Variants in SCAPER observed in about 807,000 individuals in gnomAD.
SCAPER encodes the protein S-phase cyclin A associated protein in the ER, also known as S phase cyclin A-associated protein in the endoplasmic reticulum.
Under a neutral mutation model 182.2 loss-of-function variants are expected in SCAPER, and 98 were observed. The observed-to-expected ratio is 0.54, with a 90% CI of 0.46 to 0.64. The LOEUF (loss-of-function observed/expected upper bound fraction) is 0.64. Among genes scored for constraint, SCAPER ranks in the 30% least tolerant of loss-of-function variants. The pLI is 0.00. For missense variants in SCAPER, 1,432 were observed against 1,690.0 expected (o/e 0.85, Z 2.68); for synonymous variants, 605 against 564.6 (o/e 1.07, Z -1.01).
chr15:76,422,920 A>G (rs367796199), intron 26 of SCAPER, among the ~76,000 whole-genome samples: 1 of 151,184 alleles, frequency 6.6e-6, no homozygotes, highest in Non-Finnish European at 1.5e-5. Flanking sequence ...GCTGGATTAC[A>G]TTTATTGATT....
intron 8 of SCAPER, among the ~76,000 whole-genome samples, chr15:76,785,435 G>T (rs1030433669): frequency 6.6e-6 from 1 of 152,336 alleles, no homozygotes; most frequent in African/African-American, 2.4e-5. Flanking sequence ...TGGTGGGAGT[G>T]TAAATTAGTT....
intron 17 of SCAPER, among the ~76,000 whole-genome samples, chr15:76,718,688 T>C (rs1039445960): frequency 1.3e-5 from 2 of 151,062 alleles, no homozygotes; most frequent in African/African-American, 4.9e-5. Flanking sequence ...AATATATATA[T>C]TTAAAAAAAC....
At chr15:76,637,769 TGTGTGTGTGTGTG>T (rs2053756937) in intron 21 of SCAPER, among the ~76,000 whole-genome samples, 1 of 143,452 alleles carries the variant, frequency 7.0e-6, no homozygotes, top group Non-Finnish European at 1.5e-5. Flanking sequence ...TGTGTGTGTG[TGTGTGTGTGTGTG>T]TGTGTGTGTG....
intron 24 of SCAPER, among the ~76,000 whole-genome samples, chr15:76,499,999 G>C (rs1263544970): frequency 6.6e-6 from 1 of 152,154 alleles, no homozygotes; most frequent in Non-Finnish European, 1.5e-5. Flanking sequence ...AAATAACTAA[G>C]TGCTTTCTTT....
chr15:76,864,964 T>C (rs1372623459), intron 2 of SCAPER, among the ~76,000 whole-genome samples: 1 of 152,174 alleles, frequency 6.6e-6, no homozygotes, highest in Non-Finnish European at 1.5e-5. Context: ...TCTGCAGTTA[T>C]ACTCCTTGGC....
intron 22 of SCAPER, chr15:76,577,132 G>C (rs1392973564): frequency 6.6e-6 from 1 of 152,262 alleles, no homozygotes; most frequent in East Asian, 1.9e-4. Context: ...CTATGCTTGA[G>C]GAGAGGGGAG....
rs79333691 is a variant in SCAPER, at chr15:76,614,114, C to T, written c.2711+7650G>A. Reference sequence around the variant, plus strand: ...CTGTGCAGGGACATGAATGGTGCTGCGGGCCATTACCCTTAGCAAACTAAC... The same window carrying T: ...CTGTGCAGGGACATGAATGGTGCTGTGGGCCATTACCCTTAGCAAACTAAC... On this transcript the variant is annotated intron_variant, in intron 22 of 31. Coordinates refer to ENST00000563290, the MANE Select transcript of SCAPER (RefSeq NM_020843.4). Among the ~76,000 whole-genome samples, 1,326 of 152,156 alleles carry T rather than the reference C, an allele frequency of 8.7e-3. 13 individuals carry two copies. Among genetic ancestry groups the T allele is most frequent in the African/African-American group, 0.03 (1,251 of 41,512 alleles).
In SCAPER at chr15:76,381,393, A is replaced by G; in HGVS notation, c.3690T>C (p.His1230=). The change falls in exon 28 of 32, where the codon CAT becomes CAC. Residue 1230 remains histidine (H), a synonymous_variant. Transcript: ENST00000563290. ...TACTTGGTACCTGAAAAGCAGGCAG[A>G]TGAAGAGCTGCAAAGCTGTTGAAGA... The part of the protein sequence containing the change: ...LRFFNSFAAL[H]LPAFQSIVGA... The G allele has an allele frequency of 6.2e-7, 1 of 1,613,312 alleles. No individual in the cohort carries two copies. The highest frequency in any genetic ancestry group is 2.2e-5 in the East Asian group (1 of 44,882).
chr15:76,359,882 G>T (rs1395385971), intron 29 of SCAPER, among the ~76,000 whole-genome samples: 1 of 152,166 alleles, frequency 6.6e-6, no homozygotes, highest in African/African-American at 2.4e-5. Context: ...AAAGTGACAG[G>T]GGGCCCCTAG....
intron 26 of SCAPER, among the ~76,000 whole-genome samples, chr15:76,419,335 G>GAAA (rs71444980): frequency 1.1e-5 from 1 of 92,630 alleles, no homozygotes; most frequent in South Asian, 3.9e-4. Context: ...GTCTCAAAAA[G>GAAA]AAAAAAAAAA....
intron 24 of SCAPER, among the ~76,000 whole-genome samples, chr15:76,481,566 A>G (rs2051145889): frequency 6.6e-6 from 1 of 152,252 alleles, no homozygotes; most frequent in Admixed American, 6.5e-5. Context: ...AGAAAATTAC[A>G]CAAAAATATA....
At chr15:76,352,744 C>T (rs1441816785) in intron 30 of SCAPER, among the ~76,000 whole-genome samples, 1 of 152,054 alleles carries the variant, frequency 6.6e-6, no homozygotes, top group Non-Finnish European at 1.5e-5. Flanking sequence ...GCCACCACAC[C>T]TGGTCCATAA....
At chr15:76,814,358 T>TA (rs1367760442) in intron 5 of SCAPER, among the ~76,000 whole-genome samples, 1 of 152,116 alleles carries the variant, frequency 6.6e-6, no homozygotes, top group African/African-American at 2.4e-5. Context: ...GACTGTAGAT[T>TA]ACACTACAAA....
At chr15:76,677,107 G>C (rs977784792) in intron 20 of SCAPER, among the ~76,000 whole-genome samples, 2 of 152,012 alleles carry the variant, frequency 1.3e-5, no homozygotes, top group African/African-American at 4.8e-5. Flanking sequence ...CAGTAGATAA[G>C]ACTGACTTAC....
chr15:76,865,677 T>C (rs1362621752), intron 2 of SCAPER, among the ~76,000 whole-genome samples: 1 of 152,046 alleles, frequency 6.6e-6, no homozygotes, highest in Non-Finnish European at 1.5e-5. Flanking sequence ...GGAAACAGGT[T>C]TCGGTACAAA....
At chr15:76,372,440 C>A (rs2042246575) in intron 29 of SCAPER, among the ~76,000 whole-genome samples, 1 of 152,180 alleles carries the variant, frequency 6.6e-6, no homozygotes, top group Admixed American at 6.5e-5. Context: ...AGTCACCCAT[C>A]CCTGATGCCC....
At position 76,725,173 on chromosome 15, in the gene SCAPER, T is replaced by TA. The variant is rs897518568; in HGVS notation, c.2165+3421dup. On this transcript the variant is annotated intron_variant, in intron 17 of 31. Transcript: ENST00000563290. The stretch of plus-strand genomic sequence containing the variant: ...TTGTATAACAGGATAAAATAGTAAC[T>TA]AAAAAATATCATAAAATGTGTACAA... 5.4e-4 allele frequency among the ~76,000 whole-genome samples: 82 copies of TA among 151,930 alleles called. 1 individual carries two copies. The highest frequency in any genetic ancestry group is 1.9e-3 in the South Asian group (9 of 4,814).
chr15:76,655,001 T>C lies in SCAPER; in HGVS notation c.2645+10652A>G, dbSNP rs186163086. Among the ~76,000 whole-genome samples, 3 of 152,340 alleles carry C rather than the reference T, an allele frequency of 2.0e-5. No individual in the cohort carries two copies. The East Asian group carries it at 5.8e-4, about 29-fold the overall frequency. On this transcript the variant is annotated intron_variant, in intron 21 of 31. Transcript: ENST00000563290. The stretch of plus-strand genomic sequence containing the variant: ...GGTATCTCAAAGCCAGAGTATCTTC[T>C]TACCTCAAAACAACAGCACTAATTC...
intron 7 of SCAPER, 95 bp from the exon 8 acceptor site, chr15:76,795,535 G>T (rs2065265826): frequency 2.2e-6 from 2 of 898,362 alleles, no homozygotes; most frequent in South Asian, 2.8e-5. Flanking sequence ...TTATGCATAT[G>T]AATATCCACA....
Sources: allele counts gnomAD v4.1 joint callset (sites outside exome capture counted in the v4.1 genomes callset), GRCh38; gene constraint gnomAD v4.1.1; transcripts MANE v1.5; gene names NCBI Gene and HGNC (gene_info 2026-07-23, HGNC 2026-07-21).